The following TMPRSS7 variants were observed in gnomAD, a reference collection of about 807,000 sequenced individuals.
TMPRSS7 encodes transmembrane serine protease 7, also known as transmembrane protease serine 7.
TMPRSS7 carries 81 observed loss-of-function variants against 95.6 expected under a neutral mutation model. That is an observed-to-expected ratio of 0.85 (90% CI 0.71 to 1.02). TMPRSS7 has a LOEUF of 1.02. Ranked by LOEUF, TMPRSS7 falls within the 50% of genes least tolerant of loss-of-function variation. The probability of loss-of-function intolerance (pLI) is 0.00; values close to 1 mark genes in which losing one functional copy is unlikely to be tolerated. For missense variants in TMPRSS7, 945 were observed against 955.2 expected (o/e 0.99, Z 0.14); for synonymous variants, 364 against 337.8 (o/e 1.08, Z -0.85).
At chr3:112,067,699 T>A (rs1018053647) in intron 13 of TMPRSS7, among the ~76,000 whole-genome samples, 1 of 152,246 alleles carries the variant, frequency 6.6e-6, no homozygotes, top group African/African-American at 2.4e-5. Context: ...CTTGTAAATT[T>A]GTTTGAGTTC....
chr3:112,078,602 G>T, intron 16 of TMPRSS7, 140 bp from the exon 17 acceptor site: 1 of 1,099,776 alleles, frequency 9.1e-7, no homozygotes, highest in East Asian at 2.5e-5. Flanking sequence ...AGCAAAATGA[G>T]GATAATAGTA....
At chr3:112,047,674 TC>T in intron 6 of TMPRSS7, 64 bp from the exon 7 acceptor site, 1 of 1,254,962 alleles carries the variant, frequency 8.0e-7, no homozygotes, top group South Asian at 1.4e-5. Context: ...TATAAAGATT[TC>T]TGTTTTTATA....
At chr3:112,044,930 T>C (rs755386444) in intron 4 of TMPRSS7, among the ~76,000 whole-genome samples, 2 of 152,208 alleles carry the variant, frequency 1.3e-5, no homozygotes, top group African/African-American at 2.4e-5. Flanking sequence ...GCAGTATTTA[T>C]GTCATTAGGA....
At chr3:112,066,314 G>T in intron 12 of TMPRSS7, 78 bp from the exon 13 acceptor site, 1 of 1,220,098 alleles carries the variant, frequency 8.2e-7, no homozygotes, top group Non-Finnish European at 1.2e-6. Flanking sequence ...TGTACCTTGA[G>T]ACTGGCACTG....
At position 112,057,762 on chromosome 3, in the gene TMPRSS7, G is replaced by T. The variant is rs549369717; in HGVS notation, c.1310+631G>T. ...TTTTTTTGAGACAGAGTTTTGCTCTGTCACCCAGGCTGGAGTGCTGTGGTG... is the reference window on the plus strand; with the variant it reads ...TTTTTTTGAGACAGAGTTTTGCTCTTTCACCCAGGCTGGAGTGCTGTGGTG... On this transcript the variant is annotated intron_variant, in intron 10 of 17. Coordinates refer to ENST00000452346, the Ensembl canonical transcript of TMPRSS7. Among the ~76,000 whole-genome samples the T allele has an allele frequency of 5.3e-5, 8 of 152,122 alleles. No homozygotes were observed. In the East Asian group the frequency reaches 1.2e-3, roughly 22 times the overall value.
intron 11 of TMPRSS7, among the ~76,000 whole-genome samples, chr3:112,062,338 A>G (rs1382004027): frequency 6.6e-6 from 1 of 152,194 alleles, no homozygotes; most frequent in African/African-American, 2.4e-5. Flanking sequence ...TTGCACAGGA[A>G]GAGCTGTTTG....
intron 13 of TMPRSS7, among the ~76,000 whole-genome samples, chr3:112,069,897 C>T (rs1246557339): frequency 2.0e-5 from 3 of 152,080 alleles, no homozygotes; most frequent in Non-Finnish European, 4.4e-5. Flanking sequence ...TCTTGCTTCC[C>T]TAGTTCTTTT....
intron 9 of TMPRSS7, 53 bp downstream of exon 9, chr3:112,050,836 A>G (rs2073339124): frequency 1.1e-6 from 1 of 874,438 alleles, no homozygotes; most frequent in Admixed American, 2.5e-5. Flanking sequence ...TATTTTTAAT[A>G]GCATGAATTT....
intron 13 of TMPRSS7, among the ~76,000 whole-genome samples, chr3:112,067,671 G>C (rs952400009): frequency 6.6e-6 from 1 of 152,108 alleles, no homozygotes. Flanking sequence ...ACTTTTTGAT[G>C]GGGTTGCTTG....
chr3:112,075,505 G>T lies in TMPRSS7; in HGVS notation c.1955+13G>T. 2 of 1,418,828 alleles carry T rather than the reference G, an allele frequency of 1.4e-6. No homozygotes were observed. Among genetic ancestry groups the T allele is most frequent in the East Asian group, 2.7e-5 (1 of 36,884 alleles). The allele number at this position is 1,418,828 out of a possible 1,614,324, so 87.9% of individuals were successfully genotyped here. ...TTCATGGAAACAGGTAGGGCCTCAC[G>T]GTCCTTACTTTCAAGTGGCACTCTG... On this transcript the variant is annotated intron_variant, in intron 15 of 17. Transcript: ENST00000452346.
At chr3:112,047,551 CAG>C (rs2073294928) in intron 6 of TMPRSS7, 186 bp from the exon 7 acceptor site, 1 of 671,242 alleles carries the variant, frequency 1.5e-6, no homozygotes, top group Admixed American at 2.1e-5. Context: ...ACTATATAGA[CAG>C]AGTGTGGATA....
At chr3:112,039,729 C>T (rs1018247739) in intron 2 of TMPRSS7, 2 of 152,174 alleles carry the variant, frequency 1.3e-5, no homozygotes, top group Non-Finnish European at 2.9e-5. Context: ...CATCTGTATC[C>T]TTTATAATAA....
In TMPRSS7 at chr3:112,063,412, C is replaced by T; in HGVS notation, c.1448-113C>T. 3 of 752,318 alleles carry T rather than the reference C, an allele frequency of 4.0e-6. No homozygotes were observed. In the South Asian group the frequency reaches 4.9e-5, roughly 12 times the overall value. The allele number at this position is 752,318 out of a possible 1,614,324, so 46.6% of individuals were successfully genotyped here. A position where few individuals can be genotyped will look rare whatever the true frequency, so the allele number is the denominator to read the frequency against. On this transcript the variant is annotated intron_variant, in intron 11 of 17. Transcript: ENST00000452346. ...TGATGAAGACACTATGTAATTATTA[C>T]TGCTACCCTGCCAACTCCCTAACCA...
At position 112,075,313 on chromosome 3, in the gene TMPRSS7, C is replaced by A; in HGVS notation, c.1784-8C>A. On this transcript the variant is annotated splice_region_variant and splice_polypyrimidine_tract_variant and intron_variant, in intron 14 of 17. Coordinates refer to ENST00000452346, the Ensembl canonical transcript of TMPRSS7. ...ACCTTTAAATCACATGCCCTTTCTC[C>A]ACCAAAGCCTGCAGCAGGAGTTCCT... is the stretch of plus-strand genomic sequence containing the variant. 1 of 1,401,002 alleles carries A rather than the reference C, an allele frequency of 7.1e-7. No individual in the cohort carries two copies. The highest frequency in any genetic ancestry group is 9.4e-7 in the Non-Finnish European group (1 of 1,068,576). 86.8% of individuals were successfully genotyped at this position (1,401,002 alleles called of 1,614,324 possible).
chr3:112,067,142 C>T (rs907471186), intron 13 of TMPRSS7, among the ~76,000 whole-genome samples: 2 of 152,188 alleles, frequency 1.3e-5, no homozygotes, highest in South Asian at 2.1e-4. Context: ...ATCCATGTCC[C>T]TGCAAAGGAC....
At chr3:112,077,169 G>A (rs759257334) in intron 16 of TMPRSS7, 25 bp downstream of exon 16, 1 of 1,608,262 alleles carries the variant, frequency 6.2e-7, no homozygotes, top group Non-Finnish European at 8.5e-7. Flanking sequence ...GAATGGTCAT[G>A]CCCTTCCCCT....
chr3:112,058,300 A>T (rs1270652653), intron 10 of TMPRSS7, among the ~76,000 whole-genome samples: 1 of 152,196 alleles, frequency 6.6e-6, no homozygotes, highest in Non-Finnish European at 1.5e-5. Context: ...ATTAAAATGC[A>T]GACTGTATTG....
chr3:112,067,427 G>C (rs141866956), intron 13 of TMPRSS7, among the ~76,000 whole-genome samples: 4,555 of 152,210 alleles, frequency 0.03, 192 homozygotes, highest in African/African-American at 0.088. Context: ...AATGGTTGAA[G>C]TAGTTTACAC....
intron 9 of TMPRSS7, among the ~76,000 whole-genome samples, chr3:112,051,668 C>CTGTCT (rs61097993): frequency 1.6e-5 from 2 of 127,998 alleles, no homozygotes; most frequent in Non-Finnish European, 3.3e-5. Context: ...ATCTATCTAT[C>CTGTCT]ATCTATCTAT....
Sources: gnomAD v4.1 joint callset for allele counts (sites outside exome capture counted in the v4.1 genomes callset) on GRCh38, gnomAD v4.1.1 for gene constraint, MANE v1.5 for transcripts, NCBI Gene and HGNC (gene_info 2026-07-23, HGNC 2026-07-21) for gene names.